Variants in KCNH7 observed in about 807,000 individuals in gnomAD.
The protein encoded by KCNH7 is voltage-gated inwardly rectifying potassium channel KCNH7.
A neutral mutation model predicts 120.8 loss-of-function variants in KCNH7; 49 were observed. The observed-to-expected ratio is 0.41, with a 90% CI of 0.32 to 0.51. The LOEUF is 0.51. KCNH7 is among the 20% of genes least tolerant of loss of function. KCNH7 has a pLI of 0.38. For missense variants in KCNH7, 1,097 were observed against 1,446.6 expected (o/e 0.76, Z 3.92); for synonymous variants, 547 against 516.1 (o/e 1.06, Z -0.81).
chr2:162,377,284 A>C (rs749288377), intron 14 of KCNH7, among the ~76,000 whole-genome samples: 4 of 152,206 alleles, frequency 2.6e-5, no homozygotes, highest in Admixed American at 2.0e-4. Context: ...AAAAGTGTGA[A>C]AATATCACAG....
At chr2:162,756,771 G>C (rs995947863) in intron 2 of KCNH7, among the ~76,000 whole-genome samples, 1 of 152,080 alleles carries the variant, frequency 6.6e-6, no homozygotes, top group East Asian at 1.9e-4. Context: ...CCCTGAAATT[G>C]CTAATTAAAC....
At chr2:162,526,177 C>T (rs759287974) in intron 3 of KCNH7, among the ~76,000 whole-genome samples, 2 of 151,796 alleles carry the variant, frequency 1.3e-5, no homozygotes, top group Non-Finnish European at 2.9e-5. Flanking sequence ...TTCAGAAGGG[C>T]AGGGAGTGTA....
chr2:162,537,827 C>A (rs1415407077), intron 2 of KCNH7, among the ~76,000 whole-genome samples: 1 of 152,066 alleles, frequency 6.6e-6, no homozygotes, highest in Non-Finnish European at 1.5e-5. Flanking sequence ...AGTTTGCAAT[C>A]AACCACTACC....
chr2:162,803,907 GT>G (rs751468837), intron 2 of KCNH7, among the ~76,000 whole-genome samples: 30 of 140,116 alleles, frequency 2.1e-4, no homozygotes, highest in Non-Finnish European at 3.2e-5. Context: ...ATGCCTGAGT[GT>G]TTCCAATTGT....
chr2:162,608,492 A>G (rs1264930934), intron 2 of KCNH7, among the ~76,000 whole-genome samples: 1 of 152,170 alleles, frequency 6.6e-6, no homozygotes, highest in African/African-American at 2.4e-5. Flanking sequence ...TCTGGTGGGC[A>G]AGTGGGGATC....
chr2:162,577,498 T>C (rs1245903339), intron 2 of KCNH7, among the ~76,000 whole-genome samples: 3 of 151,898 alleles, frequency 2.0e-5, no homozygotes, highest in Non-Finnish European at 2.9e-5. Flanking sequence ...AAACTGGCCT[T>C]TAATTGAGAA....
At chr2:162,591,923 T>C (rs1694227905) in intron 2 of KCNH7, among the ~76,000 whole-genome samples, 1 of 152,068 alleles carries the variant, frequency 6.6e-6, no homozygotes. Flanking sequence ...GGCAGCTTGT[T>C]ATATATGTCC....
intron 5 of KCNH7, among the ~76,000 whole-genome samples, chr2:162,505,654 T>C (rs940779776): frequency 1.3e-5 from 2 of 151,928 alleles, no homozygotes; most frequent in Non-Finnish European, 2.9e-5. Flanking sequence ...TTACGTACAC[T>C]GTTATTTAGC....
chr2:162,828,444 G>C (rs184527687), intron 2 of KCNH7, among the ~76,000 whole-genome samples: 9 of 152,092 alleles, frequency 5.9e-5, no homozygotes, highest in African/African-American at 2.2e-4. Flanking sequence ...TCTACATGAT[G>C]GGCAACAGAC....
intron 2 of KCNH7, among the ~76,000 whole-genome samples, chr2:162,748,927 T>TTCCCTTCCTTCC (rs1482969127): frequency 3.6e-5 from 1 of 27,842 alleles, no homozygotes; most frequent in Non-Finnish European, 6.2e-5. Context: ...TTCCCTTTCC[T>TTCCCTTCCTTCC]TTCCTTCCTT....
At chr2:162,722,733 G>GTGTGTATA (rs1351620071) in intron 2 of KCNH7, among the ~76,000 whole-genome samples, 1 of 148,894 alleles carries the variant, frequency 6.7e-6, no homozygotes, top group Middle Eastern at 3.3e-3. Context: ...CACATAATAT[G>GTGTGTATA]TGTGTATATT....
chr2:162,645,448 T>C (rs1023992210), intron 2 of KCNH7, among the ~76,000 whole-genome samples: 1 of 152,192 alleles, frequency 6.6e-6, no homozygotes, highest in Non-Finnish European at 1.5e-5. Flanking sequence ...ACCTGGCCTA[T>C]TACAAAATGT....
At chr2:162,746,493 C>G (rs1044622052) in intron 2 of KCNH7, among the ~76,000 whole-genome samples, 5 of 152,026 alleles carry the variant, frequency 3.3e-5, no homozygotes, top group Admixed American at 1.3e-4. Flanking sequence ...CTTAAATGAA[C>G]CAGAAAACTC....
chr2:162,394,354 C>T (rs1272850170), intron 12 of KCNH7, 35 bp downstream of exon 12: 3 of 1,160,906 alleles, frequency 2.6e-6, no homozygotes, highest in African/African-American at 1.5e-5. Flanking sequence ...TTACCACATG[C>T]TCTACATTTA....
rs1558990314 is a variant in KCNH7 at position 162,517,886 on chromosome 2, G to T, written c.736C>A (p.Arg246=). Reference sequence around the variant, plus strand: ...GACTGCAGCATGTCAGGGTAGAGTCGGTCCCATTGCCTTTTGGGAGAGGAA... The same window carrying T: ...GACTGCAGCATGTCAGGGTAGAGTCTGTCCCATTGCCTTTTGGGAGAGGAA... ...DHSSPKRQWD[R]LYPDMLQSSS... Residue 246 remains arginine (R), a synonymous_variant, in exon 4 of 16, where the codon CGA becomes AGA. Transcript: ENST00000332142. 1 of 1,612,302 alleles carries T rather than the reference G, an allele frequency of 6.2e-7. No individual in the cohort carries two copies. The highest frequency in any genetic ancestry group is 8.5e-7 in the Non-Finnish European group (1 of 1,178,900).
intron 6 of KCNH7, among the ~76,000 whole-genome samples, chr2:162,495,533 T>A (rs1690468747): frequency 6.6e-6 from 1 of 152,206 alleles, no homozygotes; most frequent in African/African-American, 2.4e-5. Context: ...CTGTACTTTA[T>A]GCAGATAATC....
intron 2 of KCNH7, among the ~76,000 whole-genome samples, chr2:162,542,512 G>C (rs1692344847): frequency 6.8e-6 from 1 of 147,434 alleles, no homozygotes; most frequent in Non-Finnish European, 1.5e-5. Context: ...TTGGCTTTTT[G>C]TCCTTGCGAT....
At chr2:162,382,736 A>G (rs1255466479) in intron 13 of KCNH7, among the ~76,000 whole-genome samples, 1 of 151,996 alleles carries the variant, frequency 6.6e-6, no homozygotes, top group East Asian at 1.9e-4. Flanking sequence ...TGCAGCAGCA[A>G]CAAGTCACAC....
intron 2 of KCNH7, among the ~76,000 whole-genome samples, chr2:162,786,127 C>G (rs1025661677): frequency 5.9e-5 from 9 of 151,684 alleles, no homozygotes; most frequent in African/African-American, 2.2e-4. Context: ...CCTGTAATCC[C>G]AGCTACTCAG....
Sources: allele counts gnomAD v4.1 joint callset (sites outside exome capture counted in the v4.1 genomes callset), GRCh38; gene constraint gnomAD v4.1.1; transcripts MANE v1.5; gene names NCBI Gene and HGNC (gene_info 2026-07-23, HGNC 2026-07-21).